The following ZNF226 variants were observed in gnomAD, a reference collection of about 807,000 sequenced individuals.
ZNF226 encodes zinc finger protein 226, also known as Kruppel-associated box protein.
ZNF226 carries 6 observed loss-of-function variants against 11.4 expected under a neutral mutation model. The ratio of observed to expected loss-of-function variants is 0.53; its 90% confidence interval spans 0.29 to 1.04. ZNF226 has a LOEUF of 1.04. ZNF226 is among the 50% of genes least tolerant of loss of function. The probability of loss-of-function intolerance (pLI) is 0.08; values close to 1 mark genes in which losing one functional copy is unlikely to be tolerated. For missense variants in ZNF226, 1,058 were observed against 956.5 expected (o/e 1.11, Z -1.40); for synonymous variants, 350 against 322.8 (o/e 1.08, Z -0.90).
chr19:44,177,079 G>A lies in ZNF226; in HGVS notation c.1817G>A (p.Cys606Tyr), dbSNP rs1164662940. 1 of 1,611,632 alleles carries A rather than the reference G, an allele frequency of 6.2e-7. No individual in the cohort carries two copies. The highest frequency in any genetic ancestry group is 8.5e-7 in the Non-Finnish European group (1 of 1,179,310). The change falls in exon 6 of 6, where the codon TGT (cysteine) becomes TAT (tyrosine). Residue 606 changes from cysteine (C) to tyrosine (Y), a missense_variant. Cys to Tyr is a radical substitution (Grantham distance 194). Transcript: ENST00000337433. ...FSRRADLKIH[C>Y]RIHTGEKPYN... ...CGTAGAGCAGATCTTAAAATTCACT[G>A]TAGGATCCACACAGGAGAGAAACCA...
At chr19:44,193,480 T>G in the ZNF226 span, among the ~76,000 whole-genome samples, 1 of 152,168 alleles carries the variant, frequency 6.6e-6, no homozygotes, top group Non-Finnish European at 1.5e-5. Flanking sequence ...GGTAATCTTA[T>G]GAGGGAAGTG....
chr19:44,170,105 G>T lies in ZNF226; in HGVS notation c.15+10G>T. ...AATGAATATGTTCAAGGTGAGTAGA[G>T]CTTGCCTTTCCCAGCTGTTAAAAAT... On this transcript the variant is annotated intron_variant, in intron 3 of 5. Coordinates refer to ENST00000337433, the MANE Select transcript of ZNF226 (RefSeq NM_001032373.2). 1 of 1,611,986 alleles carries T rather than the reference G, an allele frequency of 6.2e-7. No homozygotes were observed. Among genetic ancestry groups the T allele is most frequent in the South Asian group, 1.1e-5 (1 of 90,766 alleles).
At chr19:44,174,003 G>C (rs1970419113) in intron 5 of ZNF226, 1 of 152,216 alleles carries the variant, frequency 6.6e-6, no homozygotes, top group Non-Finnish European at 1.5e-5. Flanking sequence ...ATAAATATTA[G>C]TTGAATAAAT....
Position 44,175,635 on chromosome 19 carries a change from CACAA to C in ZNF226, c.378_381del (p.Gln127ValfsTer7), listed in dbSNP as rs1168458726. 1 of 1,613,778 alleles carries C rather than the reference CACAA, an allele frequency of 6.2e-7. No homozygotes were observed. Among genetic ancestry groups the C allele is most frequent in the Non-Finnish European group, 8.5e-7 (1 of 1,179,852 alleles). ...CTCCATGATCAATAATTCTCAGTGT[CACAA>C]ACAAGGTGATTTCCCTTACCAGGTA... On this transcript the variant is annotated frameshift_variant, in exon 6 of 6. Coordinates refer to ENST00000337433, the MANE Select transcript of ZNF226 (RefSeq NM_001032373.2). LOFTEE classifies it low-confidence loss of function (END_TRUNC).
At chr19:44,174,304 A>G (rs1433757945) in intron 5 of ZNF226, 1 of 152,166 alleles carries the variant, frequency 6.6e-6, no homozygotes, top group Non-Finnish European at 1.5e-5. Context: ...TCATTCGGGG[A>G]GGGAATATTT....
chr19:44,186,497 G>A, the ZNF226 span, among the ~76,000 whole-genome samples: 1 of 151,820 alleles, frequency 6.6e-6, no homozygotes, highest in South Asian at 2.1e-4. Context: ...TTCTTTTCAC[G>A]TTGGTGATTG....
At chr19:44,196,947 T>G in the ZNF226 span, among the ~76,000 whole-genome samples, 2 of 152,138 alleles carry the variant, frequency 1.3e-5, no homozygotes, top group Non-Finnish European at 2.9e-5. Context: ...TTGAACCATT[T>G]CTGCTCCTTT....
At chr19:44,171,588 A>C (rs73934468) in intron 3 of ZNF226, among the ~76,000 whole-genome samples, 177 of 152,350 alleles carry the variant, frequency 1.2e-3, no homozygotes, top group African/African-American at 4.2e-3. Context: ...AGGGCTTGTG[A>C]AAAATGAGGA....
chr19:44,180,104 A>C (rs996712031), downstream of ZNF226, among the ~76,000 whole-genome samples: 1 of 139,526 alleles, frequency 7.2e-6, no homozygotes, highest in Non-Finnish European at 1.5e-5. Context: ...AAAAAAAAAA[A>C]AAAAAAACCC....
chr19:44,177,721 C>A, downstream of ZNF226: 1 of 1,518,700 alleles, frequency 6.6e-7, no homozygotes, highest in African/African-American at 1.4e-5. Context: ...GTTATCAAGT[C>A]TCAAAGTCAG....
chr19:44,193,735 G>A, the ZNF226 span, among the ~76,000 whole-genome samples: 5 of 152,272 alleles, frequency 3.3e-5, no homozygotes, highest in Non-Finnish European at 7.4e-5. Context: ...TTAGAAGCCC[G>A]TACATGTTAA....
At chr19:44,169,386 A>G (rs570928699) in intron 2 of ZNF226, among the ~76,000 whole-genome samples, 173 of 152,272 alleles carry the variant, frequency 1.1e-3, no homozygotes, top group African/African-American at 3.9e-3. Flanking sequence ...CTTCGGTTTT[A>G]TTAGTTCAGT....
At chr19:44,175,121 G>A in intron 5 of ZNF226, 3 of 1,566,464 alleles carry the variant, frequency 1.9e-6, no homozygotes, top group Non-Finnish European at 2.6e-6. Context: ...CATTCCTTGA[G>A]TGACTATGAA....
Position 44,168,455 on chromosome 19 carries a change from A to G in ZNF226, c.-46-1580A>G, listed in dbSNP as rs115093429. On this transcript the variant is annotated intron_variant, in intron 2 of 5. Coordinates refer to ENST00000337433, the MANE Select transcript of ZNF226 (RefSeq NM_001032373.2). ...CTTTGAAAGTAATTTCTTCCCCCAG[A>G]TGAGTTTCCAGTCTAATTGTATGCA... is the stretch of plus-strand genomic sequence containing the variant. 1.7e-3 allele frequency among the ~76,000 whole-genome samples: 266 copies of G among 152,256 alleles called. 1 individual carries two copies. Among genetic ancestry groups the G allele is most frequent in the African/African-American group, 6.1e-3 (252 of 41,556 alleles).
rs116865890 is a variant in ZNF226, at chr19:44,176,335, C to T, written c.1073C>T (p.Thr358Met). The T allele has an allele frequency of 4.7e-3, 7,535 of 1,614,174 alleles. 32 individuals carry two copies. Among genetic ancestry groups the T allele is most frequent in the Middle Eastern group, 0.012 (71 of 6,062 alleles). Residue 358 changes from threonine to methionine, a missense_variant, in exon 6 of 6, where the codon ACG becomes ATG. Physicochemically the swap from Thr to Met is moderately conservative, Grantham distance 81. Transcript: ENST00000337433. ...CTTAATGTTCATTGCAAGGTCCACA[C>T]GGCAGAGAAACCTTATAATTGTGAG... Reference protein sequence around the residue: ...SALNVHCKVHTAEKPYNCEEC... With the variant: ...SALNVHCKVHMAEKPYNCEEC...
chr19:44,179,966 A>G (rs1970881323), downstream of ZNF226, among the ~76,000 whole-genome samples: 1 of 151,684 alleles, frequency 6.6e-6, no homozygotes, highest in East Asian at 1.9e-4. Context: ...GGGCGCCTGT[A>G]ATTCCAGCTA....
At position 44,168,981 on chromosome 19, in the gene ZNF226, C is replaced by G. The variant is rs574344730; in HGVS notation, c.-46-1054C>G. ...TCTTTTGTTTATAACAATATAGACT[C>G]AGGTTCCTCCCTTTTCCTTTTTTTT... On this transcript the variant is annotated intron_variant, in intron 2 of 5. Transcript: ENST00000337433. 4.1e-4 allele frequency among the ~76,000 whole-genome samples: 59 copies of G among 143,118 alleles called. 1 individual carries two copies. In the Middle Eastern group the frequency reaches 0.011, roughly 26 times the overall value. The allele number at this position is 143,118 out of a possible 152,430, so 93.9% of individuals were successfully genotyped here. A position where few individuals can be genotyped will look rare whatever the true frequency, so the allele number is the denominator to read the frequency against.
chr19:44,167,889 A>G (rs1300472801), intron 2 of ZNF226: 1 of 152,164 alleles, frequency 6.6e-6, no homozygotes, highest in Non-Finnish European at 1.5e-5. Context: ...GACCCTGGTT[A>G]TAGGGTTTTG....
At chr19:44,198,806 TTTTC>T in the ZNF226 span, among the ~76,000 whole-genome samples, 1 of 152,166 alleles carries the variant, frequency 6.6e-6, no homozygotes, top group African/African-American at 2.4e-5. Flanking sequence ...TTAATATAAC[TTTTC>T]TTTCTTTTTT....
Sources: allele counts gnomAD v4.1 joint callset (sites outside exome capture counted in the v4.1 genomes callset), GRCh38; gene constraint gnomAD v4.1.1; transcripts MANE v1.5; gene names NCBI Gene and HGNC (gene_info 2026-07-23, HGNC 2026-07-21).